Variants in FHIT observed in about 807,000 individuals in gnomAD.
The protein encoded by FHIT is bis(5'-adenosyl)-triphosphatase.
A neutral mutation model predicts 17.9 loss-of-function variants in FHIT; 19 were observed. The ratio of observed to expected loss-of-function variants is 1.06; its 90% CI spans 0.74 to 1.56. The LOEUF (loss-of-function observed/expected upper bound fraction) is 1.56, where lower values mean the gene tolerates loss of function less well. FHIT is among the 40% of genes most tolerant of loss of function. The pLI, the probability that FHIT is intolerant of heterozygous loss-of-function variation, is 0.00. For missense variants in FHIT, 248 were observed against 189.2 expected (o/e 1.31, Z -1.82); for synonymous variants, 81 against 69.7 (o/e 1.16, Z -0.81).
At chr3:60,694,999 C>T (rs1048040115) in intron 4 of FHIT, among the ~76,000 whole-genome samples, 4 of 152,082 alleles carry the variant, frequency 2.6e-5, no homozygotes, top group Admixed American at 6.5e-5. Flanking sequence ...CAACATGGCA[C>T]ATGTATACAT....
At chr3:60,689,750 T>A (rs1277734695) in intron 4 of FHIT, among the ~76,000 whole-genome samples, 1 of 152,206 alleles carries the variant, frequency 6.6e-6, no homozygotes, top group Non-Finnish European at 1.5e-5. Flanking sequence ...AAAATGAGAA[T>A]TTGTCACAAA....
intron 2 of FHIT, among the ~76,000 whole-genome samples, chr3:61,093,813 C>T (rs1453567985): frequency 1.3e-5 from 2 of 152,156 alleles, no homozygotes; most frequent in Admixed American, 6.5e-5. Context: ...AGGACTTCAC[C>T]AGTGTGTATA....
intron 4 of FHIT, among the ~76,000 whole-genome samples, chr3:60,563,670 G>C (rs2037034068): frequency 6.6e-6 from 1 of 152,258 alleles, no homozygotes; most frequent in Non-Finnish European, 1.5e-5. Context: ...CTGGATAGAA[G>C]ATCAAACAAG....
intron 1 of FHIT, among the ~76,000 whole-genome samples, chr3:61,213,101 C>T (rs1184197781): frequency 4.6e-5 from 7 of 152,222 alleles, no homozygotes; most frequent in East Asian, 3.9e-4. Context: ...CATCAACTAA[C>T]GAGCAAAATA....
intron 3 of FHIT, among the ~76,000 whole-genome samples, chr3:60,947,727 C>A (rs1356081950): frequency 6.6e-6 from 1 of 152,204 alleles, no homozygotes; most frequent in Non-Finnish European, 1.5e-5. Flanking sequence ...CAAGCAACAA[C>A]TGTCCATCTG....
chr3:61,146,969 T>C (rs888614730), intron 2 of FHIT, among the ~76,000 whole-genome samples: 2 of 152,056 alleles, frequency 1.3e-5, no homozygotes, highest in Non-Finnish European at 2.9e-5. Context: ...TATCTTTATG[T>C]ACATTCCTCT....
intron 3 of FHIT, among the ~76,000 whole-genome samples, chr3:60,863,948 G>T (rs538543693): frequency 6.6e-6 from 1 of 152,158 alleles, no homozygotes; most frequent in East Asian, 1.9e-4. Context: ...AGAAATACCC[G>T]AGATGGGATA....
At chr3:60,899,144 C>T (rs1705976832) in intron 3 of FHIT, among the ~76,000 whole-genome samples, 1 of 152,126 alleles carries the variant, frequency 6.6e-6, no homozygotes, top group African/African-American at 2.4e-5. Context: ...GAAAATAATG[C>T]CATTCCTGAA....
chr3:60,389,024 T>C (rs746458252), intron 5 of FHIT, among the ~76,000 whole-genome samples: 1 of 152,186 alleles, frequency 6.6e-6, no homozygotes, highest in Non-Finnish European at 1.5e-5. Flanking sequence ...TGGCTGTAAG[T>C]TCCTGAGAAT....
intron 4 of FHIT, among the ~76,000 whole-genome samples, chr3:60,704,092 A>G (rs1352508592): frequency 6.6e-6 from 1 of 152,186 alleles, no homozygotes; most frequent in African/African-American, 2.4e-5. Flanking sequence ...CTACATATGC[A>G]TTAAATCAGA....
At chr3:61,223,577 T>C (rs2039893152) in intron 1 of FHIT, among the ~76,000 whole-genome samples, 1 of 152,212 alleles carries the variant, frequency 6.6e-6, no homozygotes, top group Non-Finnish European at 1.5e-5. Context: ...GTGATAAACA[T>C]TTTTGCAAGG....
At chr3:60,809,517 A>G (rs1701505437) in intron 4 of FHIT, among the ~76,000 whole-genome samples, 1 of 152,170 alleles carries the variant, frequency 6.6e-6, no homozygotes, top group African/African-American at 2.4e-5. Context: ...CTTGCCCTCA[A>G]TTTACTGTGA....
At chr3:59,991,055 A>C (rs1256977228) in intron 7 of FHIT, among the ~76,000 whole-genome samples, 1 of 152,030 alleles carries the variant, frequency 6.6e-6, no homozygotes. Flanking sequence ...TTGTGGGTAA[A>C]CTTGAGGATT....
intron 8 of FHIT, among the ~76,000 whole-genome samples, chr3:59,896,695 TG>T (rs1704087829): frequency 6.6e-6 from 1 of 152,216 alleles, no homozygotes; most frequent in East Asian, 1.9e-4. Flanking sequence ...TTTCCAAATA[TG>T]GTTCAGCAGT....
intron 5 of FHIT, among the ~76,000 whole-genome samples, chr3:60,178,589 C>T (rs1350393550): frequency 6.6e-6 from 1 of 151,666 alleles, no homozygotes; most frequent in Non-Finnish European, 1.5e-5. Flanking sequence ...CTGTTGGTGG[C>T]GGTGGGGGGA....
intron 5 of FHIT, among the ~76,000 whole-genome samples, chr3:60,073,832 T>C (rs141347538): frequency 8.5e-5 from 13 of 152,250 alleles, no homozygotes; most frequent in African/African-American, 3.1e-4. Flanking sequence ...AACCTCCAGC[T>C]TGATTTTACA....
chr3:61,006,391 A>C (rs1352720870), intron 3 of FHIT, among the ~76,000 whole-genome samples: 1 of 152,192 alleles, frequency 6.6e-6, no homozygotes, highest in African/African-American at 2.4e-5. Flanking sequence ...AACATCAATG[A>C]CCATAACAAA....
At chr3:60,653,662 AAAAGT>A (rs1479398234) in intron 4 of FHIT, among the ~76,000 whole-genome samples, 3 of 56,366 alleles carry the variant, frequency 5.3e-5, no homozygotes, top group Non-Finnish European at 1.3e-4. Flanking sequence ...CAATTTCCTG[AAAAGT>A]AAAAAAAAAA....
intron 5 of FHIT, among the ~76,000 whole-genome samples, chr3:60,248,746 A>T (rs1287685270): frequency 6.6e-6 from 1 of 152,142 alleles, no homozygotes; most frequent in African/African-American, 2.4e-5. Context: ...ACTTTAGCAT[A>T]AGGATTATTT....
Sources: allele counts gnomAD v4.1 joint callset (sites outside exome capture counted in the v4.1 genomes callset), GRCh38; gene constraint gnomAD v4.1.1; transcripts MANE v1.5; gene names NCBI Gene and HGNC (gene_info 2026-07-23, HGNC 2026-07-21).